Variants in ITIH2 observed in about 807,000 individuals in gnomAD.
ITIH2 encodes the protein inter-alpha-trypsin inhibitor heavy chain H2.
In ITIH2, 103 loss-of-function variants were observed where a neutral mutation model predicts 104.4. The ratio of observed to expected loss-of-function variants is 0.99; its 90% CI spans 0.84 to 1.16. The LOEUF is 1.16. ITIH2 is among the 50% of genes most tolerant of loss of function. The probability of loss-of-function intolerance (pLI) is 0.00; values close to 1 mark genes in which losing one functional copy is unlikely to be tolerated. For synonymous variants in ITIH2, 436 were observed against 435.4 expected (o/e 1.00, Z -0.02); for missense variants, 1,108 against 1,162.4 (o/e 0.95, Z 0.68).
In ITIH2 at chr10:7,707,297, A is replaced by T. The variant is rs112804311; in HGVS notation, c.192+64A>T. The T allele has an allele frequency of 6.2e-3, 7,414 of 1,191,904 alleles. 53 individuals carry two copies. Among genetic ancestry groups the T allele is most frequent in the African/African-American group, 0.013 (844 of 66,856 alleles). 73.8% of individuals were successfully genotyped at this position (1,191,904 alleles called of 1,614,324 possible). A position where few individuals can be genotyped will look rare whatever the true frequency, so the allele number is the denominator to read the frequency against. Reference sequence around the variant, plus strand: ...CCTGTTAATAATTACCAGGAAATCAATCTGGGTGTCTCTTTTTTCTTCATC... The same window carrying T: ...CCTGTTAATAATTACCAGGAAATCATTCTGGGTGTCTCTTTTTTCTTCATC... On this transcript the variant is annotated intron_variant, in intron 3 of 20. Coordinates refer to ENST00000358415, the MANE Select transcript of ITIH2 (RefSeq NM_002216.3).
At chr10:7,728,067 C>CT (rs1214204304) in intron 11 of ITIH2, among the ~76,000 whole-genome samples, 1 of 152,156 alleles carries the variant, frequency 6.6e-6, no homozygotes, top group Non-Finnish European at 1.5e-5. Context: ...ATGCAGAAAT[C>CT]TGAGTCTGAA....
chr10:7,713,294 T>A lies in ITIH2; in HGVS notation c.467+9T>A. On this transcript the variant is annotated intron_variant, in intron 5 of 20. Coordinates refer to ENST00000358415, the MANE Select transcript of ITIH2 (RefSeq NM_002216.3). The stretch of plus-strand genomic sequence containing the variant: ...ACGGCTGGCTTGGTGAGGTAAGGCC[T>A]GAGTGAGCAAGGCTTGCCCTTGCCT... 6.2e-7 allele frequency: 1 copy of A among 1,603,928 alleles called. No individual in the cohort carries two copies. The highest frequency in any genetic ancestry group is 8.5e-7 in the Non-Finnish European group (1 of 1,171,056).
intron 15 of ITIH2, among the ~76,000 whole-genome samples, chr10:7,737,181 T>G (rs1352604958): frequency 6.6e-6 from 1 of 150,992 alleles, no homozygotes; most frequent in Admixed American, 6.7e-5. Flanking sequence ...AGAAAAGGCT[T>G]TCTTTAGGAA....
In ITIH2 at chr10:7,749,426, C is replaced by A; in HGVS notation, c.*92C>A. 8.9e-7 allele frequency: 1 copy of A among 1,128,792 alleles called. No individual in the cohort carries two copies. Among genetic ancestry groups the A allele is most frequent in the Non-Finnish European group, 1.3e-6 (1 of 788,054 alleles). 69.9% of individuals were successfully genotyped at this position (1,128,792 alleles called of 1,614,324 possible). A position where few individuals can be genotyped will look rare whatever the true frequency, so the allele number is the denominator to read the frequency against. On this transcript the variant is annotated 3_prime_UTR_variant, in exon 21 of 21. Coordinates refer to ENST00000358415, the MANE Select transcript of ITIH2 (RefSeq NM_002216.3). ...CTTCGGTTTGAATAATTAAAATGAA[C>A]CAGATATCAGGGTGGTTAATTAAAA... is the stretch of plus-strand genomic sequence containing the variant.
At chr10:7,724,304 C>T (rs906146936) in intron 9 of ITIH2, among the ~76,000 whole-genome samples, 21 of 152,170 alleles carry the variant, frequency 1.4e-4, no homozygotes, top group African/African-American at 5.1e-4. Flanking sequence ...GGCACAGTGG[C>T]TCACGCCTGT....
At chr10:7,746,826 A>G (rs1307090164) in intron 20 of ITIH2, 122 bp downstream of exon 20, 2 of 629,484 alleles carry the variant, frequency 3.2e-6, no homozygotes, top group East Asian at 5.5e-5. Context: ...TAAGCAGTTC[A>G]TTAGGAATAG....
At chr10:7,703,774 C>T (rs543643624) in intron 1 of ITIH2, among the ~76,000 whole-genome samples, 25 of 152,300 alleles carry the variant, frequency 1.6e-4, no homozygotes, top group African/African-American at 6.0e-4. Context: ...CAGAGCTGCT[C>T]ACTCCTCACC....
intron 10 of ITIH2, 41 bp downstream of exon 10, chr10:7,727,159 G>A (rs369268077): frequency 3.2e-6 from 5 of 1,540,644 alleles, no homozygotes; most frequent in Non-Finnish European, 3.6e-6. Flanking sequence ...CACTTCCTCT[G>A]GGTTCAAATC....
chr10:7,716,735 CAAA>C (rs61703360), intron 5 of ITIH2, among the ~76,000 whole-genome samples: 1,611 of 58,728 alleles, frequency 0.027, 26 homozygotes, highest in African/African-American at 0.064. Context: ...GACCCCAGCT[CAAA>C]AAAAAAAAAA....
chr10:7,719,432 C>T (rs1834880233), intron 6 of ITIH2, among the ~76,000 whole-genome samples: 1 of 152,188 alleles, frequency 6.6e-6, no homozygotes, highest in Non-Finnish European at 1.5e-5. Context: ...CCCACATTCT[C>T]TTCCTCAATG....
intron 11 of ITIH2, among the ~76,000 whole-genome samples, chr10:7,729,650 C>T (rs1160976292): frequency 3.3e-5 from 5 of 151,960 alleles, no homozygotes; most frequent in African/African-American, 9.7e-5. Context: ...TTTTTAATAG[C>T]TGCATAGTAT....
At chr10:7,743,792 C>T (rs914527957) in intron 17 of ITIH2, among the ~76,000 whole-genome samples, 1 of 151,758 alleles carries the variant, frequency 6.6e-6, no homozygotes, top group African/African-American at 2.4e-5. Context: ...AAAACAACAA[C>T]AAAAAATTTA....
chr10:7,727,318 A>G (rs981365890), intron 10 of ITIH2, among the ~76,000 whole-genome samples, 200 bp downstream of exon 10: 3 of 152,200 alleles, frequency 2.0e-5, no homozygotes, highest in African/African-American at 4.8e-5. Context: ...TAAGCTTTGA[A>G]CCGTTTTAAT....
At chr10:7,732,913 G>A (rs1835017678) in intron 14 of ITIH2, among the ~76,000 whole-genome samples, 1 of 151,946 alleles carries the variant, frequency 6.6e-6, no homozygotes. Flanking sequence ...TATTTTAGTA[G>A]AGACGGGGTT....
intron 1 of ITIH2, among the ~76,000 whole-genome samples, chr10:7,704,000 A>G (rs1834722092): frequency 6.6e-6 from 1 of 152,258 alleles, no homozygotes. Flanking sequence ...GAACAGTGAT[A>G]TTTGTAATAA....
At chr10:7,715,660 T>C (rs186587624) in intron 5 of ITIH2, among the ~76,000 whole-genome samples, 2 of 152,262 alleles carry the variant, frequency 1.3e-5, no homozygotes, top group East Asian at 3.9e-4. Context: ...TTCAATTATT[T>C]GATATCGCAA....
At chr10:7,737,667 ATATTCTATATT>A (rs1835073757) in intron 15 of ITIH2, among the ~76,000 whole-genome samples, 1 of 13,450 alleles carries the variant, frequency 7.4e-5, no homozygotes, top group African/African-American at 2.2e-4. Context: ...ATTCTATATT[ATATTCTATATT>A]TTCTATATTA....
chr10:7,704,928 G>A (rs1321860200), intron 1 of ITIH2, among the ~76,000 whole-genome samples, 180 bp from the exon 2 acceptor site: 2 of 151,124 alleles, frequency 1.3e-5, no homozygotes, highest in Admixed American at 6.6e-5. Flanking sequence ...TCAGGGGGTG[G>A]GGGGCTAGGG....
intron 11 of ITIH2, among the ~76,000 whole-genome samples, chr10:7,729,084 TG>T (rs1834976659): frequency 6.6e-6 from 1 of 152,078 alleles, no homozygotes; most frequent in Admixed American, 6.5e-5. Flanking sequence ...GAGGCTGAGG[TG>T]GGTGGATCAC....
Sources: allele counts gnomAD v4.1 joint callset (sites outside exome capture counted in the v4.1 genomes callset), GRCh38; gene constraint gnomAD v4.1.1; transcripts MANE v1.5; gene names NCBI Gene and HGNC (gene_info 2026-07-23, HGNC 2026-07-21).